Variants in CLEC16A observed in about 807,000 individuals in gnomAD.
The protein encoded by CLEC16A is protein CLEC16A.
CLEC16A carries 51 observed loss-of-function variants against 109.5 expected under a neutral mutation model. The ratio of observed to expected loss-of-function variants is 0.47; its 90% CI spans 0.37 to 0.59. The LOEUF (loss-of-function observed/expected upper bound fraction) is 0.59. Among genes scored for constraint, CLEC16A ranks in the 20% least tolerant of loss-of-function variants. The probability of loss-of-function intolerance (pLI) is 0.00; values close to 1 mark genes in which losing one functional copy is unlikely to be tolerated. For missense variants in CLEC16A, 1,339 were observed against 1,394.0 expected, an observed-to-expected ratio of 0.96 and a Z score of 0.63; for synonymous variants, 673 against 564.2, an observed-to-expected ratio of 1.19 and a Z score of -2.73.
intron 19 of CLEC16A, among the ~76,000 whole-genome samples, chr16:11,077,769 G>T (rs2049463604): frequency 6.6e-6 from 1 of 152,168 alleles, no homozygotes; most frequent in South Asian, 2.1e-4. Flanking sequence ...AGGCGGCCTG[G>T]ACAGATTTTT....
chr16:11,136,344 G>T (rs930922866), intron 22 of CLEC16A: 6 of 152,190 alleles, frequency 3.9e-5, no homozygotes. Context: ...CAAAAAATGG[G>T]ATACAAGTGT....
intron 19 of CLEC16A, among the ~76,000 whole-genome samples, chr16:11,082,244 G>A (rs561214155): frequency 1.6e-4 from 25 of 152,318 alleles, no homozygotes; most frequent in African/African-American, 2.4e-4. Flanking sequence ...GTGGGAAATC[G>A]CGACGGCGTG....
rs1283073197 is a variant in CLEC16A at position 11,030,961 on chromosome 16, TC to T, written c.1537+6045del. 2.6e-5 allele frequency among the ~76,000 whole-genome samples: 4 copies of T among 152,382 alleles called. No homozygotes were observed. In the East Asian group the frequency reaches 7.7e-4, roughly 29 times the overall value. On this transcript the variant is annotated intron_variant, in intron 13 of 23. Coordinates refer to ENST00000409790, the MANE Select transcript of CLEC16A (RefSeq NM_015226.3). ...TTATCAGAGGCATTTAGCAATGATT[TC>T]CCCCAAGTCTGTGGCATGTCTTTTC...
At chr16:11,097,252 T>G (rs765629734) in intron 19 of CLEC16A, among the ~76,000 whole-genome samples, 5 of 152,172 alleles carry the variant, frequency 3.3e-5, no homozygotes, top group Non-Finnish European at 7.3e-5. Flanking sequence ...AGCAGCTGGG[T>G]GAGTAACCAG....
chr16:11,047,279 C>G lies in CLEC16A; in HGVS notation c.1816-13C>G. On this transcript the variant is annotated splice_polypyrimidine_tract_variant and intron_variant, in intron 16 of 23. Coordinates refer to ENST00000409790, the MANE Select transcript of CLEC16A (RefSeq NM_015226.3). ...TGAATAATCTCCTCTTCCCTCCCTT[C>G]CTTTCTTTTTAGGGAGAAGACATTT... 3 of 1,604,276 alleles carry G rather than the reference C, an allele frequency of 1.9e-6. No individual in the cohort carries two copies. Among genetic ancestry groups the G allele is most frequent in the East Asian group, 2.2e-5 (1 of 44,572 alleles).
intron 11 of CLEC16A, among the ~76,000 whole-genome samples, chr16:11,007,664 A>T (rs2045111105): frequency 6.6e-6 from 1 of 152,332 alleles, no homozygotes; most frequent in East Asian, 1.9e-4. Context: ...GAGGCGCTCG[A>T]ACAGCAATTT....
At chr16:10,966,640 C>A (rs1413227551) in intron 3 of CLEC16A, among the ~76,000 whole-genome samples, 1 of 152,214 alleles carries the variant, frequency 6.6e-6, no homozygotes, top group Non-Finnish European at 1.5e-5. Context: ...AGGAAACTTA[C>A]AATCATGGCA....
intron 19 of CLEC16A, among the ~76,000 whole-genome samples, chr16:11,099,410 G>A (rs1449512966): frequency 6.6e-6 from 1 of 152,236 alleles, no homozygotes; most frequent in African/African-American, 2.4e-5. Flanking sequence ...CACATTTCAA[G>A]TGCTCAGTCG....
chr16:10,983,093 G>T, intron 10 of CLEC16A, 102 bp downstream of exon 10: 1 of 680,916 alleles, frequency 1.5e-6, no homozygotes, highest in Non-Finnish European at 2.6e-6. Context: ...TGAATATATA[G>T]CAGTGATGAT....
intron 19 of CLEC16A, among the ~76,000 whole-genome samples, chr16:11,092,891 G>T (rs1289340247): frequency 6.6e-6 from 1 of 152,202 alleles, no homozygotes; most frequent in Non-Finnish European, 1.5e-5. Context: ...AATCCCCAAT[G>T]CATGGTGACT....
At chr16:10,949,732 C>A (rs189896377) in intron 1 of CLEC16A, among the ~76,000 whole-genome samples, 317 of 152,274 alleles carry the variant, frequency 2.1e-3, no homozygotes, top group Non-Finnish European at 2.1e-3. Context: ...CTGAAGCTGG[C>A]AGAATGGATT....
intron 19 of CLEC16A, among the ~76,000 whole-genome samples, chr16:11,100,513 T>C (rs1414144479): frequency 6.6e-6 from 1 of 152,180 alleles, no homozygotes; most frequent in Non-Finnish European, 1.5e-5. Flanking sequence ...AGAGAATCTT[T>C]TTACAAGATT....
At chr16:11,031,074 G>T (rs1374918491) in intron 13 of CLEC16A, among the ~76,000 whole-genome samples, 1 of 152,094 alleles carries the variant, frequency 6.6e-6, no homozygotes, top group East Asian at 1.9e-4. Context: ...CCTTTTCTCT[G>T]TATTTTTTCT....
At chr16:11,037,403 G>A (rs1259467570) in intron 13 of CLEC16A, among the ~76,000 whole-genome samples, 1 of 152,180 alleles carries the variant, frequency 6.6e-6, no homozygotes, top group East Asian at 1.9e-4. Context: ...GGAAAAGGCT[G>A]GACTTGGAAC....
intron 22 of CLEC16A, chr16:11,150,430 C>T (rs2054248441): frequency 6.6e-6 from 1 of 152,290 alleles, no homozygotes; most frequent in Non-Finnish European, 1.5e-5. Context: ...AGCTTGGCTA[C>T]TTGCGTTTCT....
chr16:11,006,742 C>G (rs1385167089), intron 11 of CLEC16A, among the ~76,000 whole-genome samples: 1 of 152,040 alleles, frequency 6.6e-6, no homozygotes, highest in Non-Finnish European at 1.5e-5. Flanking sequence ...ATAAATGCAG[C>G]ACCCAGAATT....
chr16:10,977,197 A>G, intron 7 of CLEC16A, 28 bp from the exon 8 acceptor site: 1 of 1,606,312 alleles, frequency 6.2e-7, no homozygotes, highest in Non-Finnish European at 8.5e-7. Context: ...GTTGGCCTCC[A>G]GGCTGAGGTG....
chr16:11,014,433 C>G (rs1157903329), intron 11 of CLEC16A, among the ~76,000 whole-genome samples: 2 of 152,116 alleles, frequency 1.3e-5, no homozygotes, highest in African/African-American at 4.8e-5. Flanking sequence ...TTGCATACTT[C>G]CAGAGGTGTG....
intron 19 of CLEC16A, among the ~76,000 whole-genome samples, chr16:11,107,768 A>G (rs1032257339): frequency 3.3e-5 from 5 of 152,326 alleles, no homozygotes; most frequent in Middle Eastern, 3.4e-3. Context: ...CACTCAAGTT[A>G]GCTCCCAAGG....
Sources: allele counts gnomAD v4.1 joint callset (sites outside exome capture counted in the v4.1 genomes callset), GRCh38; gene constraint gnomAD v4.1.1; transcripts MANE v1.5; gene names NCBI Gene and HGNC (gene_info 2026-07-23, HGNC 2026-07-21).